The following OR1D2 variants were observed in gnomAD, a reference collection of about 807,000 sequenced individuals.
OR1D2 encodes the protein olfactory receptor family 1 subfamily D member 2, also known as olfactory receptor 1D2.
For synonymous variants in OR1D2, 157 were observed against 153.9 expected, an observed-to-expected ratio of 1.02 and a Z score of -0.15; for missense variants, 357 against 376.1, an observed-to-expected ratio of 0.95 and a Z score of 0.42.
rs1431934105 is a variant in OR1D2, at chr17:3,092,908, A to C, written c.89T>G (p.Met30Arg). 1 of 1,614,066 alleles carries C rather than the reference A, an allele frequency of 6.2e-7. No individual in the cohort carries two copies. Among genetic ancestry groups the C allele is most frequent in the Admixed American group, 1.7e-5 (1 of 60,014 alleles). ...CGTGACCAGGTACATGGACAGGAAC[A>C]TCCAAAACAGGATCCGCTGCTGCTC... ...SPEQQRILFW[M>R]FLSMYLVTVV... The change falls in exon 2 of 2, where the codon ATG becomes AGG. Residue 30 changes from methionine (M) to arginine (R), a missense_variant. By Grantham distance (91) the Met-to-Arg change is moderately conservative. Transcript: ENST00000641833.
intron 1 of OR1D2, among the ~76,000 whole-genome samples, chr17:3,101,075 C>T (rs2047873076): frequency 6.6e-6 from 1 of 151,996 alleles, no homozygotes; most frequent in Admixed American, 6.5e-5. Flanking sequence ...GGATTCACAG[C>T]CAAATTCTAC....
rs756301826 is a variant in OR1D2, at chr17:3,092,300, T to C, written c.697A>G (p.Lys233Glu). The stretch of plus-strand genomic sequence containing the variant: ...CAGGTGGAGAAGGCTTTGTATTTCT[T>C]AGAGACTGAGGGTATTCTGAGGATG... ...RAILRIPSVS[K>E]KYKAFSTCAS... The change falls in exon 2 of 2, where the codon AAG becomes GAG. Residue 233 changes from lysine (K) to glutamate (E), a missense_variant. Coordinates refer to ENST00000641833, the MANE Select transcript of OR1D2 (RefSeq NM_002548.3). 5.6e-6 allele frequency: 9 copies of C among 1,614,198 alleles called. No homozygotes were observed. The highest frequency in any genetic ancestry group is 7.6e-6 in the Non-Finnish European group (9 of 1,180,026).
At position 3,090,159 on chromosome 17, in the gene OR1D2, T is replaced by C. The variant is rs574937255; in HGVS notation, c.*1899A>G. ...ATAGGCTTTCTTCACTCTTTTTCCA[T>C]TTGTTTCTCTTACTAGTACTTTCAA... On this transcript the variant is annotated 3_prime_UTR_variant, in exon 2 of 2. Transcript: ENST00000641833. 6 of 152,376 alleles carry C rather than the reference T, an allele frequency of 3.9e-5. No individual in the cohort carries two copies. In the Middle Eastern group the frequency reaches 0.014, roughly 346 times the overall value. The allele number at this position is 152,376 out of a possible 1,614,324, so 9.4% of individuals were successfully genotyped here.
chr17:3,101,686 A>G (rs1359801407), intron 1 of OR1D2, among the ~76,000 whole-genome samples: 3 of 152,196 alleles, frequency 2.0e-5, no homozygotes, highest in East Asian at 3.9e-4. Flanking sequence ...CAGGCAAGAG[A>G]AAGAAATTAA....
intron 1 of OR1D2, among the ~76,000 whole-genome samples, chr17:3,096,588 C>A (rs1032437184): frequency 1.3e-5 from 2 of 152,150 alleles, no homozygotes; most frequent in Non-Finnish European, 2.9e-5. Context: ...CATAGCAAGA[C>A]CCCATCTCTT....
chr17:3,102,887 A>G (rs539650315), intron 1 of OR1D2, among the ~76,000 whole-genome samples: 2 of 152,306 alleles, frequency 1.3e-5, no homozygotes, highest in East Asian at 3.9e-4. Flanking sequence ...TACAAAGAGC[A>G]ACAGGGTTCC....
rs377047409 is a variant in OR1D2, at chr17:3,102,281, T to A, written c.-51+1818A>T. Reference sequence around the variant, plus strand: ...GGGGTGGGGTGAGGGTATATGGCAGTCCTAGCATTCATCAAATGAGTGAAT... The same window carrying A: ...GGGGTGGGGTGAGGGTATATGGCAGACCTAGCATTCATCAAATGAGTGAAT... On this transcript the variant is annotated intron_variant, in intron 1 of 1. Coordinates refer to ENST00000641833, the MANE Select transcript of OR1D2 (RefSeq NM_002548.3). Among the ~76,000 whole-genome samples the A allele has an allele frequency of 3.1e-4, 47 of 152,184 alleles. 1 individual carries two copies. In the South Asian group the frequency reaches 9.5e-3, roughly 31 times the overall value.
chr17:3,091,030 G>A lies in OR1D2; in HGVS notation c.*1028C>T, dbSNP rs1362611524. 1 of 152,192 alleles carries A rather than the reference G, an allele frequency of 6.6e-6. No homozygotes were observed. Among genetic ancestry groups the A allele is most frequent in the Non-Finnish European group, 1.5e-5 (1 of 68,032 alleles). 9.4% of individuals were successfully genotyped at this position (152,192 alleles called of 1,614,324 possible). On this transcript the variant is annotated 3_prime_UTR_variant, in exon 2 of 2. Coordinates refer to ENST00000641833, the MANE Select transcript of OR1D2 (RefSeq NM_002548.3). ...TTTGTGCTACTCTGTGCTGGCTTGGGTGAGGGGTGATTCAGGTAATGTGAC... is the reference window on the plus strand; with the variant it reads ...TTTGTGCTACTCTGTGCTGGCTTGGATGAGGGGTGATTCAGGTAATGTGAC...
At chr17:3,098,708 A>C (rs993309048) in intron 1 of OR1D2, among the ~76,000 whole-genome samples, 1 of 152,204 alleles carries the variant, frequency 6.6e-6, no homozygotes, top group Admixed American at 6.5e-5. Flanking sequence ...AGGCTTCAGA[A>C]GATGGGTAAT....
chr17:3,102,213 G>T lies in OR1D2; in HGVS notation c.-51+1886C>A, dbSNP rs892995971. ...ATAAGCAAATGGAGATGAGGGAACTGTGAGTAATTTCGACTATTAAAGTAA... is the reference window on the plus strand; with the variant it reads ...ATAAGCAAATGGAGATGAGGGAACTTTGAGTAATTTCGACTATTAAAGTAA... On this transcript the variant is annotated intron_variant, in intron 1 of 1. Coordinates refer to ENST00000641833, the MANE Select transcript of OR1D2 (RefSeq NM_002548.3). Among the ~76,000 whole-genome samples, 11 of 152,192 alleles carry T rather than the reference G, an allele frequency of 7.2e-5. No homozygotes were observed. The South Asian group carries it at 2.3e-3, about 32-fold the overall frequency.
rs186332616 is a variant in OR1D2 at position 3,094,251 on chromosome 17, C to G, written c.-50-1205G>C. 4.2e-3 allele frequency among the ~76,000 whole-genome samples: 641 copies of G among 152,178 alleles called. 6 individuals carry two copies. The highest frequency in any genetic ancestry group is 0.014 in the African/African-American group (597 of 41,536). ...TAACTGTGTAATTAATTTCGGAGGA[C>G]TAGTTCGAACAATATTTTGTATCTT... On this transcript the variant is annotated intron_variant, in intron 1 of 1. Transcript: ENST00000641833.
At chr17:3,101,297 A>G (rs146284881) in intron 1 of OR1D2, among the ~76,000 whole-genome samples, 274 of 152,364 alleles carry the variant, frequency 1.8e-3, no homozygotes, top group African/African-American at 6.3e-3. Context: ...AACCGAATCC[A>G]ATAGCACATC....
intron 1 of OR1D2, among the ~76,000 whole-genome samples, chr17:3,098,923 G>A (rs2047861785): frequency 1.3e-5 from 2 of 152,060 alleles, no homozygotes; most frequent in African/African-American, 2.4e-5. Context: ...TGGAAGAAAG[G>A]ATATCAGAGT....
intron 1 of OR1D2, among the ~76,000 whole-genome samples, chr17:3,094,364 G>A (rs139001066): frequency 1.3e-5 from 2 of 151,920 alleles, no homozygotes; most frequent in African/African-American, 4.8e-5. Flanking sequence ...AGAATAAAAT[G>A]TTTAAAAAAT....
chr17:3,101,850 A>G (rs60633721), intron 1 of OR1D2, among the ~76,000 whole-genome samples: 1,813 of 152,298 alleles, frequency 0.012, 33 homozygotes, highest in African/African-American at 0.041. Flanking sequence ...TGCAAAAATT[A>G]TAAGCATTCC....
At chr17:3,093,620 TGCTTAACACAAGGA>T (rs1435722402) in intron 1 of OR1D2, among the ~76,000 whole-genome samples, 1 of 152,192 alleles carries the variant, frequency 6.6e-6, no homozygotes, top group Non-Finnish European at 1.5e-5. Context: ...AGTAGTAAAG[TGCTTAACACAAGGA>T]GTTGGTAGGC....
Position 3,092,461 on chromosome 17 carries a change from C to T in OR1D2, c.536G>A (p.Cys179Tyr). 1.2e-6 allele frequency: 2 copies of T among 1,614,126 alleles called. No homozygotes were observed. The highest frequency in any genetic ancestry group is 1.7e-6 in the Non-Finnish European group (2 of 1,180,010). ...CGSRKIHYIF[C>Y]EMYVLLRMAC... Reference sequence around the variant, plus strand: ...CATCCTCAGCAATACATACATCTCACAGAAGATGTAGTGGATTTTTCGTGA... The same window carrying T: ...CATCCTCAGCAATACATACATCTCATAGAAGATGTAGTGGATTTTTCGTGA... Residue 179 changes from cysteine to tyrosine, a missense_variant, in exon 2 of 2, where the codon TGT becomes TAT. By Grantham distance (194) the Cys-to-Tyr change is radical. Transcript: ENST00000641833.
In OR1D2 at chr17:3,092,485, G is replaced by A; in HGVS notation, c.512C>T (p.Ser171Leu). The A allele has an allele frequency of 6.2e-7, 1 of 1,614,140 alleles. No individual in the cohort carries two copies. The highest frequency in any genetic ancestry group is 1.7e-5 in the Admixed American group (1 of 60,016). ...LLMTRVTFCGSRKIHYIFCEM... is the reference protein window; with the variant it reads ...LLMTRVTFCGLRKIHYIFCEM... ...ACAGAAGATGTAGTGGATTTTTCGT[G>A]ACCCACAGAAGGTCACTCTGGTCAT... is the stretch of plus-strand genomic sequence containing the variant. The change falls in exon 2 of 2, where the codon TCA (serine) becomes TTA (leucine). Residue 171 changes from serine to leucine, a missense_variant. Ser to Leu is a moderately radical substitution (Grantham distance 145). Coordinates refer to ENST00000641833, the MANE Select transcript of OR1D2 (RefSeq NM_002548.3).
chr17:3,092,253 G>C lies in OR1D2; in HGVS notation c.744C>G (p.Val248=). The C allele has an allele frequency of 1.2e-6, 2 of 1,614,206 alleles. No individual in the cohort carries two copies. The highest frequency in any genetic ancestry group is 2.2e-5 in the South Asian group (2 of 91,080). The part of the protein sequence containing the change: ...FSTCASHLGA[V]SLFYGTLCMV... ...TACAAAGTGTCCCATAGAAGAGGGA[G>C]ACTGCACCCAAATGGGAGGCACAGG... is the stretch of plus-strand genomic sequence containing the variant. Residue 248 remains valine (V), a synonymous_variant, in exon 2 of 2, where the codon GTC becomes GTG. Transcript: ENST00000641833.
Sources: allele counts gnomAD v4.1 joint callset (sites outside exome capture counted in the v4.1 genomes callset), GRCh38; gene constraint gnomAD v4.1.1; transcripts MANE v1.5; gene names NCBI Gene and HGNC (gene_info 2026-07-23, HGNC 2026-07-21).